Variants in PTPRK observed in about 807,000 individuals in gnomAD.
PTPRK encodes receptor-type tyrosine-protein phosphatase kappa.
PTPRK carries 75 observed loss-of-function variants against 178.0 expected under a neutral mutation model. That is an observed-to-expected ratio of 0.42 (90% confidence interval 0.35 to 0.51). PTPRK has a LOEUF of 0.51. Ranked by LOEUF, PTPRK falls within the 20% of genes least tolerant of loss-of-function variation. The pLI, the probability that PTPRK is intolerant of heterozygous loss-of-function variation, is 0.02. For missense variants in PTPRK, 1,441 were observed against 1,797.8 expected (o/e 0.80, Z 3.59); for synonymous variants, 637 against 620.6 (o/e 1.03, Z -0.39).
At chr6:128,011,445 CTATTATGGTATAATTTTCTAAA>C (rs1282236190) in intron 13 of PTPRK, among the ~76,000 whole-genome samples, 1 of 151,070 alleles carries the variant, frequency 6.6e-6, no homozygotes, top group Non-Finnish European at 1.5e-5. Flanking sequence ...AAAATACATG[CTATTATGGTATAATTTTCTAAA>C]TATATTTTAT....
At chr6:128,008,518 C>T (rs1303224037) in intron 14 of PTPRK, among the ~76,000 whole-genome samples, 1 of 150,950 alleles carries the variant, frequency 6.6e-6, no homozygotes, top group Non-Finnish European at 1.5e-5. Flanking sequence ...ATACTTTGGT[C>T]TCCAGAGCAA....
At position 128,322,326 on chromosome 6, in the gene PTPRK, A is replaced by AAAT. The variant is rs768434733; in HGVS notation, c.224-19_224-17dup. The AAAT allele has an allele frequency of 1.3e-6, 2 of 1,543,434 alleles. No homozygotes were observed. The highest frequency in any genetic ancestry group is 1.8e-6 in the Non-Finnish European group (2 of 1,118,928). Reference sequence around the variant, plus strand: ...ATATAGGAACCTGAAATGACATTACAAATAATAATGCTAAAGAGATATATA... The same window carrying AAAT: ...ATATAGGAACCTGAAATGACATTACAAATAATAATAATGCTAAAGAGATATATA... On this transcript the variant is annotated splice_polypyrimidine_tract_variant and intron_variant, in intron 2 of 29. Coordinates refer to ENST00000368226, the MANE Select transcript of PTPRK (RefSeq NM_002844.4).
rs771714409 is a variant in PTPRK, at chr6:127,973,095, C to T, written c.4196G>A (p.Arg1399Gln). 6 of 1,614,056 alleles carry T rather than the reference C, an allele frequency of 3.7e-6. No homozygotes were observed. Among genetic ancestry groups the T allele is most frequent in the Admixed American group, 1.7e-5 (1 of 60,008 alleles). The change falls in exon 29 of 30, where the codon CGG becomes CAG. Residue 1399 changes from arginine (R) to glutamine (Q), a missense_variant. This residue lies in a region of PTPRK where 335 missense variants were observed against 512.4 expected (regional missense o/e 0.65). Coordinates refer to ENST00000368226, the MANE Select transcript of PTPRK (RefSeq NM_002844.4). ...ATGGAAAACATCGACAACATTTTGC[C>T]GTTTCACCATTTCAACAACGATGCC... ...AIGIVVEMVK[R>Q]QNVVDVFHAV...
intron 2 of PTPRK, among the ~76,000 whole-genome samples, chr6:128,389,549 A>G (rs1562418737): frequency 6.6e-6 from 1 of 151,870 alleles, no homozygotes; most frequent in East Asian, 1.9e-4. Flanking sequence ...GAGGAGAAGT[A>G]TAAGGTCATA....
intron 4 of PTPRK, among the ~76,000 whole-genome samples, chr6:128,240,524 C>T (rs1384788195): frequency 6.6e-6 from 1 of 152,056 alleles, no homozygotes; most frequent in Non-Finnish European, 1.5e-5. Context: ...AAATCAGAAC[C>T]TAATATAAAG....
In PTPRK at chr6:128,427,820, C is replaced by T. The variant is rs528976806; in HGVS notation, c.101-30132G>A. ...TAAAACAAAATGTTTGGGCCAGGTG[C>T]GGTGGCTCACGCCTGCAATCCCAGC... On this transcript the variant is annotated intron_variant, in intron 1 of 29. Coordinates refer to ENST00000368226, the MANE Select transcript of PTPRK (RefSeq NM_002844.4). Among the ~76,000 whole-genome samples, 12 of 152,236 alleles carry T rather than the reference C, an allele frequency of 7.9e-5. No homozygotes were observed. In the East Asian group the frequency reaches 1.2e-3, roughly 15 times the overall value.
intron 2 of PTPRK, among the ~76,000 whole-genome samples, chr6:128,331,207 T>G (rs1184266869): frequency 1.3e-5 from 2 of 152,226 alleles, no homozygotes; most frequent in African/African-American, 4.8e-5. Context: ...AGTTTGAAGT[T>G]GGATGTTTTA....
At chr6:128,486,761 G>A (rs769858248) in intron 1 of PTPRK, among the ~76,000 whole-genome samples, 5 of 151,488 alleles carry the variant, frequency 3.3e-5, no homozygotes, top group African/African-American at 4.9e-5. Context: ...CTGGGTGATA[G>A]AGGCAGATCC....
intron 2 of PTPRK, among the ~76,000 whole-genome samples, chr6:128,378,331 T>C (rs1370341248): frequency 6.6e-6 from 1 of 152,080 alleles, no homozygotes; most frequent in African/African-American, 2.4e-5. Flanking sequence ...AAACAAAAAA[T>C]GTACATGCTA....
intron 1 of PTPRK, among the ~76,000 whole-genome samples, chr6:128,505,484 T>C (rs918331033): frequency 6.6e-6 from 1 of 151,786 alleles, no homozygotes; most frequent in African/African-American, 2.4e-5. Context: ...TAAATGAAGA[T>C]GAGTTTATGA....
At chr6:127,983,895 A>G (rs1775638258) in intron 22 of PTPRK, among the ~76,000 whole-genome samples, 1 of 152,068 alleles carries the variant, frequency 6.6e-6, no homozygotes, top group Non-Finnish European at 1.5e-5. Flanking sequence ...TTCACAGGAA[A>G]TGCAAATGGT....
chr6:128,464,010 A>G (rs1182514316), intron 1 of PTPRK, among the ~76,000 whole-genome samples: 1 of 151,706 alleles, frequency 6.6e-6, no homozygotes, highest in African/African-American at 2.4e-5. Context: ...CTGCCTCAGC[A>G]TCCGAAAATG....
intron 18 of PTPRK, among the ~76,000 whole-genome samples, chr6:127,993,218 T>C (rs2114667234): frequency 6.6e-6 from 1 of 151,940 alleles, no homozygotes; most frequent in East Asian, 1.9e-4. Context: ...ATATTCCTGT[T>C]CTACAACACA....
At chr6:127,985,973 T>G (rs4341027) in intron 21 of PTPRK, 98 bp from the exon 22 acceptor site, 321,505 of 1,190,488 alleles carry the variant, frequency 0.27, 47,812 homozygotes, top group Middle Eastern at 0.34. Flanking sequence ...CTGACAATGA[T>G]AACAATAAAA....
At chr6:128,071,225 A>G (rs1025936254) in intron 11 of PTPRK, among the ~76,000 whole-genome samples, 4 of 151,942 alleles carry the variant, frequency 2.6e-5, no homozygotes, top group Non-Finnish European at 4.4e-5. Context: ...CAAGTTTGAT[A>G]CAGTTTAAAA....
chr6:128,143,350 C>G (rs1280804147), intron 7 of PTPRK, among the ~76,000 whole-genome samples: 1 of 152,074 alleles, frequency 6.6e-6, no homozygotes, highest in Non-Finnish European at 1.5e-5. Context: ...CACTTGAAAA[C>G]CTTTGTAATT....
intron 1 of PTPRK, among the ~76,000 whole-genome samples, chr6:128,442,936 G>A (rs997376494): frequency 6.6e-6 from 1 of 152,098 alleles, no homozygotes; most frequent in Non-Finnish European, 1.5e-5. Context: ...TATTGTAAAA[G>A]GAATTTGAAT....
intron 5 of PTPRK, among the ~76,000 whole-genome samples, chr6:128,221,279 C>T (rs1192678474): frequency 6.6e-6 from 1 of 150,386 alleles, no homozygotes; most frequent in Non-Finnish European, 1.5e-5. Flanking sequence ...AATCCCAGCA[C>T]TTTGTGAGGC....
At chr6:128,017,604 A>G (rs967038401) in intron 13 of PTPRK, among the ~76,000 whole-genome samples, 12 of 151,166 alleles carry the variant, frequency 7.9e-5, no homozygotes, top group African/African-American at 2.7e-4. Flanking sequence ...TCTGAAGATA[A>G]AAGTCTCAAG....
Sources: gnomAD v4.1 joint callset for allele counts (sites outside exome capture counted in the v4.1 genomes callset) on GRCh38, gnomAD v4.1.1 for gene constraint, gnomAD v4.1.1 regional missense constraint, MANE v1.5 for transcripts, NCBI Gene and HGNC (gene_info 2026-07-23, HGNC 2026-07-21) for gene names.